Variants in ZFHX3 observed in about 807,000 individuals in gnomAD.
The protein encoded by ZFHX3 is zinc finger homeobox 3.
Under a neutral mutation model 279.1 loss-of-function variants are expected in ZFHX3, and 42 were observed. The observed-to-expected ratio is 0.15, with a 90% CI of 0.12 to 0.19. The LOEUF is 0.19. Among genes scored for constraint, ZFHX3 ranks in the 10% least tolerant of loss-of-function variants. The pLI is 1.00. For missense variants in ZFHX3, 4,981 were observed against 4,754.0 expected (o/e 1.05, Z -1.40); for synonymous variants, 2,293 against 1,957.8 (o/e 1.17, Z -4.52).
At chr16:73,848,332 C>G (rs1209731611) in intron 1 of ZFHX3, among the ~76,000 whole-genome samples, 2 of 152,082 alleles carry the variant, frequency 1.3e-5, no homozygotes, top group African/African-American at 4.8e-5. Context: ...CTGGTCTATG[C>G]TCAGGACTGA....
At chr16:73,380,184 TAA>T (rs2016796427) in intron 3 of ZFHX3, among the ~76,000 whole-genome samples, 1 of 152,112 alleles carries the variant, frequency 6.6e-6, no homozygotes, top group African/African-American at 2.4e-5. Context: ...AAAGGACATA[TAA>T]TATCCATAAA....
chr16:73,671,320 G>C lies in ZFHX3; in HGVS notation c.-1547+8860C>G, dbSNP rs567850474. Among the ~76,000 whole-genome samples, 4 of 152,302 alleles carry C rather than the reference G, an allele frequency of 2.6e-5. No homozygotes were observed. The East Asian group carries it at 5.8e-4, about 22-fold the overall frequency. On this transcript the variant is annotated intron_variant, in intron 2 of 17. Coordinates refer to the ZFHX3 transcript ENST00000641206. ...GCGAAAGAACAGCAACGGAAACAGG[G>C]AGGAAAGCGGAGCAAAGCCAGCATC...
chr16:73,291,542 T>C (rs1017780726), intron 4 of ZFHX3, among the ~76,000 whole-genome samples: 3 of 152,008 alleles, frequency 2.0e-5, no homozygotes, highest in Non-Finnish European at 2.9e-5. Context: ...CAACATGGAG[T>C]TGCTCAGGAG....
intron 1 of ZFHX3, among the ~76,000 whole-genome samples, chr16:73,785,438 G>T (rs1183945287): frequency 2.6e-5 from 4 of 151,760 alleles, no homozygotes; most frequent in Non-Finnish European, 5.9e-5. Flanking sequence ...GATATCTAGA[G>T]CTCTAGTCTT....
intron 1 of ZFHX3, among the ~76,000 whole-genome samples, chr16:73,855,930 T>C (rs1961716160): frequency 6.6e-6 from 1 of 152,150 alleles, no homozygotes; most frequent in Admixed American, 6.5e-5. Context: ...TGGCATTATT[T>C]ATAATACCAG....
intron 5 of ZFHX3, among the ~76,000 whole-genome samples, chr16:73,155,320 T>C (rs1221676634): frequency 6.6e-6 from 1 of 152,028 alleles, no homozygotes; most frequent in African/African-American, 2.4e-5. Context: ...GGCTTTAGGC[T>C]TCAGTAGTCA....
At chr16:73,546,987 A>G (rs935764350) in intron 2 of ZFHX3, among the ~76,000 whole-genome samples, 2 of 152,098 alleles carry the variant, frequency 1.3e-5, no homozygotes, top group Non-Finnish European at 2.9e-5. Context: ...AGAGAATATA[A>G]CCACATTTTG....
intron 2 of ZFHX3, among the ~76,000 whole-genome samples, chr16:73,636,627 C>CA (rs985490237): frequency 1.1e-4 from 17 of 150,344 alleles, no homozygotes; most frequent in South Asian, 2.1e-4. Flanking sequence ...ATAACCAGTT[C>CA]AAAAAAAAAT....
At chr16:73,274,189 AG>A in intron 4 of ZFHX3, among the ~76,000 whole-genome samples, 1 of 152,322 alleles carries the variant, frequency 6.6e-6, no homozygotes, top group South Asian at 2.1e-4. Flanking sequence ...CCTTGCAAAA[AG>A]GTGCACAAAT....
chr16:73,011,905 C>A, intron 1 of ZFHX3, among the ~76,000 whole-genome samples: 1 of 152,108 alleles, frequency 6.6e-6, no homozygotes, highest in East Asian at 1.9e-4. Context: ...TTCTGGGGCA[C>A]CAGGTAAGTT....
intron 1 of ZFHX3, among the ~76,000 whole-genome samples, chr16:73,740,581 A>T (rs748320804): frequency 6.6e-6 from 1 of 152,220 alleles, no homozygotes; most frequent in Non-Finnish European, 1.5e-5. Flanking sequence ...ATCATCCATA[A>T]TAGGATGGTA....
At chr16:73,104,221 G>GTATTTATTTATTTATT (rs1555498881) in intron 7 of ZFHX3, among the ~76,000 whole-genome samples, 18 of 151,624 alleles carry the variant, frequency 1.2e-4, no homozygotes, top group African/African-American at 2.7e-4. Context: ...TTTATTTTAT[G>GTATTTATTTATTTATT]TATTTATTTA....
At chr16:73,246,652 C>T (rs2013289135) in intron 5 of ZFHX3, among the ~76,000 whole-genome samples, 1 of 152,190 alleles carries the variant, frequency 6.6e-6, no homozygotes. Context: ...CATGATAACA[C>T]AATGTCCTTC....
intron 1 of ZFHX3, among the ~76,000 whole-genome samples, chr16:73,708,783 T>A (rs932150621): frequency 6.6e-6 from 1 of 152,086 alleles, no homozygotes; most frequent in African/African-American, 2.4e-5. Context: ...TTATTTATCC[T>A]CTTTGTAGGG....
At chr16:73,036,889 G>A (rs1319135468) in intron 1 of ZFHX3, among the ~76,000 whole-genome samples, 1 of 152,160 alleles carries the variant, frequency 6.6e-6, no homozygotes, top group African/African-American at 2.4e-5. Flanking sequence ...AGAGTCTGAG[G>A]GAAGTCAGAC....
At chr16:73,021,351 G>T (rs894382878) in intron 1 of ZFHX3, among the ~76,000 whole-genome samples, 3 of 152,118 alleles carry the variant, frequency 2.0e-5, no homozygotes, top group African/African-American at 7.2e-5. Context: ...TTGACTCTAT[G>T]TCCTGTCTTG....
intron 1 of ZFHX3, among the ~76,000 whole-genome samples, chr16:73,868,670 C>G (rs74948787): frequency 6.6e-6 from 1 of 152,332 alleles, no homozygotes; most frequent in East Asian, 1.9e-4. Context: ...TCCTTAGACA[C>G]TGTAAAAAAC....
At position 73,486,219 on chromosome 16, in the gene ZFHX3, C is replaced by A. The variant is rs544092842; in HGVS notation, c.-1546-29961G>T. On this transcript the variant is annotated intron_variant, in intron 2 of 17. Transcript: ENST00000641206. ...AAATATCCTCTCCATTTACACAGGGCATACACGGAGTAAATGACTTTGTAA... is the reference window on the plus strand; with the variant it reads ...AAATATCCTCTCCATTTACACAGGGAATACACGGAGTAAATGACTTTGTAA... 1.2e-4 allele frequency among the ~76,000 whole-genome samples: 19 copies of A among 152,296 alleles called. No homozygotes were observed. The East Asian group carries it at 3.7e-3, about 29-fold the overall frequency.
At chr16:73,017,416 A>G (rs543521486) in intron 1 of ZFHX3, among the ~76,000 whole-genome samples, 2 of 152,094 alleles carry the variant, frequency 1.3e-5, no homozygotes, top group East Asian at 3.9e-4. Flanking sequence ...GAATACTTGA[A>G]AGGTATATCT....
Sources: gnomAD v4.1 joint callset for allele counts (sites outside exome capture counted in the v4.1 genomes callset) on GRCh38, gnomAD v4.1.1 for gene constraint, MANE v1.5 for transcripts, NCBI Gene and HGNC (gene_info 2026-07-23, HGNC 2026-07-21) for gene names.